Variants in MYH16 observed in about 807,000 individuals in gnomAD.
MYH16 encodes the protein myosin heavy chain 16, also known as putative uncharacterized protein MYH16.
chr7:99,283,213 C>T (rs1429550972), intron 23 of MYH16, among the ~76,000 whole-genome samples: 1 of 152,176 alleles, frequency 6.6e-6, no homozygotes, highest in Non-Finnish European at 1.5e-5. Context: ...CGTCCTGCCT[C>T]AGTCTCCTGA....
intron 2 of MYH16, among the ~76,000 whole-genome samples, chr7:99,246,427 C>T (rs977171131): frequency 2.6e-5 from 4 of 152,042 alleles, no homozygotes; most frequent in East Asian, 1.9e-4. Context: ...ATAGGCTGGG[C>T]GCAGTGGCTC....
chr7:99,295,233 G>T (rs1792465747), intron 33 of MYH16, among the ~76,000 whole-genome samples: 1 of 151,990 alleles, frequency 6.6e-6, no homozygotes, highest in Non-Finnish European at 1.5e-5. Context: ...CAAAAAATTA[G>T]CCGGGCGTGG....
chr7:99,255,730 G>A (rs1281273511), intron 9 of MYH16: 2 of 152,912 alleles, frequency 1.3e-5, no homozygotes, highest in African/African-American at 4.8e-5. Context: ...AGAAGCCTTG[G>A]GACTCTGCAT....
Position 99,304,272 on chromosome 7 carries a change from G to A in MYH16, n.5264-314G>A, listed in dbSNP as rs552572078. 2.6e-5 allele frequency among the ~76,000 whole-genome samples: 4 copies of A among 152,296 alleles called. No homozygotes were observed. The South Asian group carries it at 8.3e-4, about 32-fold the overall frequency. On this transcript the variant is annotated intron_variant and non_coding_transcript_variant, in intron 39 of 41. Coordinates refer to ENST00000439784, the Ensembl canonical transcript of MYH16. ...CAGTCCTGGGTCTTCCAACTCCAGA[G>A]GCTGTGCTTTTCTCACCCTCCATGC...
chr7:99,296,822 G>A (rs572558151), exon 34 of MYH16: 14 of 456,990 alleles, frequency 3.1e-5, no homozygotes, highest in South Asian at 1.7e-4. Flanking sequence ...AAGGAGTGCC[G>A]CATGTACATG....
chr7:99,239,046 G>C (rs1284678309), intron 1 of MYH16: 2 of 152,640 alleles, frequency 1.3e-5, no homozygotes, highest in Admixed American at 6.5e-5. Flanking sequence ...CAGGTGAGTG[G>C]GGCACGATCT....
chr7:99,255,919 G>A (rs951593027), intron 9 of MYH16, among the ~76,000 whole-genome samples: 10 of 152,148 alleles, frequency 6.6e-5, no homozygotes, highest in Middle Eastern at 3.4e-3. Flanking sequence ...GGGACTTCAG[G>A]GGCCTTCAAC....
At chr7:99,259,271 G>A (rs1347713617) in intron 11 of MYH16, among the ~76,000 whole-genome samples, 4 of 152,096 alleles carry the variant, frequency 2.6e-5, no homozygotes, top group Non-Finnish European at 5.9e-5. Context: ...AGAGCATTTC[G>A]AGTGATTTCC....
At chr7:99,288,009 A>G (rs1440168542) in exon 29 of MYH16, 1 of 456,782 alleles carries the variant, frequency 2.2e-6, no homozygotes, top group Admixed American at 2.3e-5. Flanking sequence ...CGTGGACTCC[A>G]TGGCCGAGCT....
intron 30 of MYH16, 115 bp downstream of exon 11, chr7:99,289,519 T>C (rs1792338546): frequency 5.3e-6 from 1 of 189,006 alleles, no homozygotes; most frequent in South Asian, 6.8e-5. Context: ...CCCCTTGTGA[T>C]GAGAGGAGGA....
At chr7:99,291,670 A>T (rs886207544) in intron 31 of MYH16, among the ~76,000 whole-genome samples, 47 of 145,350 alleles carry the variant, frequency 3.2e-4, no homozygotes, top group African/African-American at 1.0e-3. Context: ...ATAAAAAATA[A>T]AAAAGCTGCT....
chr7:99,304,176 T>C (rs185196647), intron 39 of MYH16, among the ~76,000 whole-genome samples: 29 of 152,218 alleles, frequency 1.9e-4, no homozygotes, highest in African/African-American at 6.7e-4. Flanking sequence ...TGAACATTTG[T>C]AGAATGAATG....
intron 2 of MYH16, among the ~76,000 whole-genome samples, chr7:99,246,736 G>T (rs1162375119): frequency 6.6e-6 from 1 of 151,572 alleles, no homozygotes; most frequent in Non-Finnish European, 1.5e-5. Flanking sequence ...CCATGGAAGG[G>T]AGTAAAAGAA....
At chr7:99,256,930 A>G (rs1407487653) in intron 9 of MYH16, among the ~76,000 whole-genome samples, 1 of 152,220 alleles carries the variant, frequency 6.6e-6, no homozygotes, top group Non-Finnish European at 1.5e-5. Flanking sequence ...TACCCTGGGC[A>G]AAAAAGTAAG....
At chr7:99,282,819 G>C (rs1305726337) in intron 23 of MYH16, among the ~76,000 whole-genome samples, 2 of 133,340 alleles carry the variant, frequency 1.5e-5, no homozygotes, top group African/African-American at 3.8e-5. Flanking sequence ...GACAGAGGAA[G>C]ATCCTATCTC....
intron 32 of MYH16, 73 bp from the exon 14 acceptor site, chr7:99,293,945 A>G: frequency 2.6e-6 from 1 of 383,346 alleles, no homozygotes; most frequent in South Asian, 1.9e-5. Context: ...CCACACTCTG[A>G]CCCTGGCAGT....
At chr7:99,280,907 G>A (rs1279361404) in exon 23 of MYH16, 2 of 419,792 alleles carry the variant, frequency 4.8e-6, no homozygotes, top group Admixed American at 2.7e-5. Context: ...ACCCTGACGG[G>A]GGACCTCTCA....
At chr7:99,298,802 A>G (rs1330567077) in intron 36 of MYH16, among the ~76,000 whole-genome samples, 1 of 150,840 alleles carries the variant, frequency 6.6e-6, no homozygotes, top group Non-Finnish European at 1.5e-5. Context: ...GTTTTAGAGT[A>G]CATGTGCACA....
exon 35 of MYH16, chr7:99,297,667 A>G (rs978058971): frequency 2.4e-5 from 11 of 456,510 alleles, no homozygotes; most frequent in Admixed American, 2.3e-4. Flanking sequence ...CAGAGGAGAT[A>G]AAGGATCTCA....
Sources: gnomAD v4.1 joint callset for allele counts (sites outside exome capture counted in the v4.1 genomes callset) on GRCh38, gnomAD v4.1.1 for gene constraint, MANE v1.5 for transcripts, NCBI Gene and HGNC (gene_info 2026-07-23, HGNC 2026-07-21) for gene names.